PID1: variants seen among roughly 807,000 people sequenced by gnomAD.
PID1 encodes the protein phosphotyrosine interaction domain containing 1, also known as PTB-containing, cubilin and LRP1-interacting protein.
PID1 carries 10 observed loss-of-function variants against 19.1 expected under a neutral mutation model. The observed-to-expected ratio is 0.52, with a 90% CI of 0.32 to 0.89. The LOEUF (loss-of-function observed/expected upper bound fraction) is 0.89. Ranked by LOEUF, PID1 falls within the 40% of genes least tolerant of loss-of-function variation. PID1 has a pLI of 0.03. For synonymous variants in PID1, 130 were observed against 116.0 expected (o/e 1.12, Z -0.78); for missense variants, 248 against 285.3 (o/e 0.87, Z 0.94).
At chr2:229,253,128 C>T (rs1369981293) in intron 1 of PID1, among the ~76,000 whole-genome samples, 2 of 152,190 alleles carry the variant, frequency 1.3e-5, no homozygotes, top group Non-Finnish European at 2.9e-5. Context: ...GAGCCATTCA[C>T]ATTTTTAACC....
At chr2:229,046,586 A>T (rs990264899) in intron 2 of PID1, among the ~76,000 whole-genome samples, 2 of 151,980 alleles carry the variant, frequency 1.3e-5, no homozygotes, top group African/African-American at 4.8e-5. Context: ...TAAAAAAAAA[A>T]TTATATAATT....
At chr2:229,120,906 G>C (rs955529382) in intron 2 of PID1, among the ~76,000 whole-genome samples, 9 of 152,096 alleles carry the variant, frequency 5.9e-5, no homozygotes, top group African/African-American at 2.2e-4. Context: ...TATAAAGCAA[G>C]GTTCCTCCTC....
At chr2:229,130,764 C>T (rs889093241) in intron 2 of PID1, among the ~76,000 whole-genome samples, 10 of 152,198 alleles carry the variant, frequency 6.6e-5, no homozygotes, top group East Asian at 1.9e-4. Context: ...TCAGTGGCAA[C>T]GTCTGCAATG....
rs113076851 is a variant in PID1 at position 229,172,860 on chromosome 2, C to T, written c.31-16896G>A. Among the ~76,000 whole-genome samples the T allele has an allele frequency of 6.0e-3, 919 of 152,152 alleles. 14 individuals carry two copies. The highest frequency in any genetic ancestry group is 0.021 in the African/African-American group (873 of 41,516). The stretch of plus-strand genomic sequence containing the variant: ...AATTCTCCTGCCTCAACCTCCTGAG[C>T]AGCAGGGATTACAAGTGCGTGCCAC... On this transcript the variant is annotated intron_variant, in intron 1 of 2. Transcript: ENST00000392055.
rs960077616 is a variant in PID1 at position 229,210,125 on chromosome 2, C to T, written c.31-54161G>A. Among the ~76,000 whole-genome samples, 86 of 147,676 alleles carry T rather than the reference C, an allele frequency of 5.8e-4. 2 individuals carry two copies. Among genetic ancestry groups the T allele is most frequent in the Admixed American group, 5.6e-3 (82 of 14,764 alleles). ...TCTGAGATGGTTTAGTATCAGACAG[C>T]GACTACTTGAACTTAAAAAAAAAAA... On this transcript the variant is annotated intron_variant, in intron 1 of 2. Transcript: ENST00000392055.
intron 1 of PID1, among the ~76,000 whole-genome samples, chr2:229,241,719 A>G (rs1042773850): frequency 6.6e-6 from 1 of 152,174 alleles, no homozygotes; most frequent in African/African-American, 2.4e-5. Flanking sequence ...AACCTAGATC[A>G]CCAAATAAGA....
intron 2 of PID1, among the ~76,000 whole-genome samples, chr2:229,070,038 T>C (rs896366006): frequency 5.9e-5 from 9 of 152,218 alleles, no homozygotes; most frequent in African/African-American, 2.2e-4. Context: ...GTCAGACCAG[T>C]GCTTGCTTTG....
At chr2:229,216,408 T>C (rs1242711666) in intron 1 of PID1, among the ~76,000 whole-genome samples, 1 of 152,122 alleles carries the variant, frequency 6.6e-6, no homozygotes, top group Admixed American at 6.6e-5. Flanking sequence ...TGGTTTTCCT[T>C]TCCAAAACAG....
chr2:229,066,315 G>A (rs1353108084), intron 2 of PID1, among the ~76,000 whole-genome samples: 1 of 152,120 alleles, frequency 6.6e-6, no homozygotes, highest in Non-Finnish European at 1.5e-5. Flanking sequence ...CAGATGACAG[G>A]CAATTCAATA....
chr2:229,268,104 AT>A (rs1690639937), intron 1 of PID1, among the ~76,000 whole-genome samples: 1 of 152,250 alleles, frequency 6.6e-6, no homozygotes, highest in Admixed American at 6.5e-5. Context: ...AAGTTTTAAC[AT>A]TCAAGGGAGC....
At chr2:229,078,629 C>T (rs538616520) in intron 2 of PID1, among the ~76,000 whole-genome samples, 5 of 152,232 alleles carry the variant, frequency 3.3e-5, no homozygotes, top group African/African-American at 9.6e-5. Flanking sequence ...TTATCGAAGG[C>T]CTGTCTGTAT....
intron 2 of PID1, among the ~76,000 whole-genome samples, chr2:229,035,896 G>A (rs1693653657): frequency 6.6e-6 from 1 of 152,184 alleles, no homozygotes; most frequent in East Asian, 1.9e-4. Context: ...TCCTTAACCA[G>A]AGATGTGTTT....
chr2:229,115,623 C>CA (rs1438693225), intron 2 of PID1, among the ~76,000 whole-genome samples: 1 of 152,180 alleles, frequency 6.6e-6, no homozygotes. Flanking sequence ...ACCTAAGTCT[C>CA]ATTTTTTAGA....
chr2:229,181,724 T>A (rs1690950708), intron 1 of PID1, among the ~76,000 whole-genome samples: 2 of 152,080 alleles, frequency 1.3e-5, no homozygotes, highest in African/African-American at 4.8e-5. Flanking sequence ...AATGACATGC[T>A]GCTTTATTTC....
chr2:229,168,849 G>C (rs910499350), intron 1 of PID1, among the ~76,000 whole-genome samples: 1 of 152,154 alleles, frequency 6.6e-6, no homozygotes, highest in African/African-American at 2.4e-5. Context: ...GGGGTTTCAA[G>C]TCAATCTAGT....
chr2:229,084,315 G>A (rs1416570322), intron 2 of PID1, among the ~76,000 whole-genome samples: 1 of 152,106 alleles, frequency 6.6e-6, no homozygotes. Context: ...TTGCCTACAT[G>A]GCCACCACTT....
At chr2:229,210,471 C>T (rs1211399210) in intron 1 of PID1, among the ~76,000 whole-genome samples, 2 of 124,778 alleles carry the variant, frequency 1.6e-5, no homozygotes, top group East Asian at 5.5e-4. Flanking sequence ...GAGCTGAGAT[C>T]GTGCCACTGC....
intron 2 of PID1, among the ~76,000 whole-genome samples, chr2:229,131,508 AGT>A (rs1375513156): frequency 2.0e-4 from 31 of 152,276 alleles, no homozygotes; most frequent in African/African-American, 7.0e-4. Context: ...TGGGATTACA[AGT>A]GTGAGCCACC....
intron 2 of PID1, among the ~76,000 whole-genome samples, chr2:229,032,757 C>G (rs1316309201): frequency 6.6e-6 from 1 of 152,176 alleles, no homozygotes; most frequent in Non-Finnish European, 1.5e-5. Flanking sequence ...TGAACACTTT[C>G]CCCATGTGTC....
Sources: gnomAD v4.1 joint callset for allele counts (sites outside exome capture counted in the v4.1 genomes callset) on GRCh38, gnomAD v4.1.1 for gene constraint, MANE v1.5 for transcripts, NCBI Gene and HGNC (gene_info 2026-07-23, HGNC 2026-07-21) for gene names.